Variants in RIMBP2 observed in about 807,000 individuals in gnomAD.
RIMBP2 encodes the protein RIMS-binding protein 2.
In RIMBP2, 48 loss-of-function variants were observed where a neutral mutation model predicts 118.6. The ratio of observed to expected loss-of-function variants is 0.40; its 90% confidence interval spans 0.32 to 0.51. The LOEUF is 0.51. Ranked by LOEUF, RIMBP2 falls within the 20% of genes least tolerant of loss-of-function variation. The probability of loss-of-function intolerance (pLI) is 0.41; values close to 1 mark genes in which losing one functional copy is unlikely to be tolerated. For missense variants in RIMBP2, 1,551 were observed against 1,768.3 expected (o/e 0.88, Z 2.20); for synonymous variants, 762 against 742.9 (o/e 1.03, Z -0.42).
intron 15 of RIMBP2, chr12:130,426,981 G>A (rs1386173180): frequency 1.3e-5 from 2 of 152,440 alleles, no homozygotes; most frequent in Non-Finnish European, 2.9e-5. Flanking sequence ...TCTGCTCCGT[G>A]GTGTCACCTG....
At chr12:130,466,353 T>C (rs1257784744) in intron 6 of RIMBP2, 9 of 152,220 alleles carry the variant, frequency 5.9e-5, no homozygotes, top group Admixed American at 5.9e-4. Context: ...CTGATGCACA[T>C]CTTTGCTAAA....
intron 2 of RIMBP2, among the ~76,000 whole-genome samples, chr12:130,568,220 CCTTGCAAGAGGGGAGA>C (rs1022237407): frequency 6.6e-6 from 1 of 152,194 alleles, no homozygotes; most frequent in Non-Finnish European, 1.5e-5. Flanking sequence ...AACCAACCAA[CCTTGCAAGAGGGGAGA>C]CCCAGGATAT....
chr12:130,697,280 G>A (rs1024935815), intron 1 of RIMBP2, among the ~76,000 whole-genome samples: 3 of 152,240 alleles, frequency 2.0e-5, no homozygotes, highest in Non-Finnish European at 4.4e-5. Context: ...CCAGTGCTCT[G>A]GGAGGTGAAG....
intron 2 of RIMBP2, among the ~76,000 whole-genome samples, chr12:130,567,235 C>T (rs149211669): frequency 9.5e-4 from 145 of 152,172 alleles, no homozygotes; most frequent in African/African-American, 3.1e-3. Context: ...AAGAAGCAAC[C>T]GTGGATTAAA....
chr12:130,595,441 C>T (rs2140361727), intron 2 of RIMBP2, among the ~76,000 whole-genome samples: 1 of 152,172 alleles, frequency 6.6e-6, no homozygotes, highest in African/African-American at 2.4e-5. Context: ...GCCTGTAGTC[C>T]CAGCTACTCA....
intron 4 of RIMBP2, among the ~76,000 whole-genome samples, chr12:130,489,087 T>C (rs35966141): frequency 0.074 from 11,240 of 152,248 alleles, 1,114 homozygotes; most frequent in African/African-American, 0.23. Flanking sequence ...CTGGGATAGC[T>C]AAGAGCCCAC....
At chr12:130,608,783 T>A (rs2060336456) in intron 2 of RIMBP2, among the ~76,000 whole-genome samples, 1 of 152,228 alleles carries the variant, frequency 6.6e-6, no homozygotes, top group Admixed American at 6.5e-5. Flanking sequence ...CTCATAGTTA[T>A]TTTGTGGTGA....
At chr12:130,515,782 C>T (rs1319719110) in intron 3 of RIMBP2, among the ~76,000 whole-genome samples, 1 of 152,128 alleles carries the variant, frequency 6.6e-6, no homozygotes, top group Non-Finnish European at 1.5e-5. Context: ...ACTGCAACCT[C>T]AACCTCCCAG....
chr12:130,538,467 TCC>T (rs1188498324), intron 2 of RIMBP2, among the ~76,000 whole-genome samples: 1 of 151,804 alleles, frequency 6.6e-6, no homozygotes, highest in Admixed American at 6.6e-5. Context: ...ACACAGAGAA[TCC>T]CCGAATCCAC....
At chr12:130,404,070 GAC>G (rs1206644100) in intron 21 of RIMBP2, among the ~76,000 whole-genome samples, 1 of 152,106 alleles carries the variant, frequency 6.6e-6, no homozygotes, top group Admixed American at 6.6e-5. Context: ...TGATTAGTAA[GAC>G]AATTAAAAAT....
intron 2 of RIMBP2, among the ~76,000 whole-genome samples, chr12:130,524,844 C>T (rs947930800): frequency 1.1e-4 from 16 of 151,972 alleles, no homozygotes; most frequent in South Asian, 6.2e-4. Context: ...GGCTTGGTGA[C>T]GAGAAAAGAA....
Position 130,606,233 on chromosome 12 carries a change from A to G in RIMBP2, c.-217+22089T>C, listed in dbSNP as rs899218449. On this transcript the variant is annotated intron_variant, in intron 2 of 22. Coordinates refer to ENST00000690449, the MANE Select transcript of RIMBP2 (RefSeq NM_001393629.1). The stretch of plus-strand genomic sequence containing the variant: ...AGAGTCTATATGGTGGGAATTACAC[A>G]CAGGTGTTTTCTTGTCTGTATGTTT... Among the ~76,000 whole-genome samples, 4 of 152,236 alleles carry G rather than the reference A, an allele frequency of 2.6e-5. No individual in the cohort carries two copies. In the East Asian group the frequency reaches 5.8e-4, roughly 22 times the overall value.
chr12:130,501,428 A>C (rs919077276), intron 4 of RIMBP2, among the ~76,000 whole-genome samples: 1 of 152,172 alleles, frequency 6.6e-6, no homozygotes, highest in Non-Finnish European at 1.5e-5. Context: ...GTAGGAGGGT[A>C]AGAGATGGGG....
intron 1 of RIMBP2, among the ~76,000 whole-genome samples, chr12:130,713,029 G>A (rs575067307): frequency 4.5e-4 from 69 of 151,702 alleles, no homozygotes; most frequent in African/African-American, 1.6e-3. Context: ...GTCAGAGAGA[G>A]AGACTGAGAG....
chr12:130,483,369 C>T (rs74811160), intron 4 of RIMBP2, among the ~76,000 whole-genome samples: 6,351 of 152,134 alleles, frequency 0.042, 468 homozygotes, highest in African/African-American at 0.14. Context: ...CACAAATGCA[C>T]GCACCTACTA....
Position 130,506,728 on chromosome 12 carries a change from C to T in RIMBP2, c.-84G>A. ...ACGGCCAAATCGCGCTCTCTGGTCA[C>T]GAGGGTGAGCGGATGGTTGAGATGC... is the stretch of plus-strand genomic sequence containing the variant. On this transcript the variant is annotated 5_prime_UTR_variant, in exon 4 of 23. The change creates a new upstream start codon in the 5' untranslated region. Coordinates refer to ENST00000690449, the MANE Select transcript of RIMBP2 (RefSeq NM_001393629.1). 3.0e-6 allele frequency: 3 copies of T among 985,704 alleles called. No homozygotes were observed. Among genetic ancestry groups the T allele is most frequent in the Non-Finnish European group, 3.6e-6 (3 of 829,936 alleles). 61.1% of individuals were successfully genotyped at this position (985,704 alleles called of 1,614,324 possible).
At position 130,412,634 on chromosome 12, in the gene RIMBP2, G is replaced by C; in HGVS notation, c.3574C>G (p.Pro1192Ala). Residue 1192 changes from proline (P) to alanine (A), a missense_variant, in exon 19 of 23, where the codon CCT (proline) becomes GCT (alanine). Pro to Ala is a conservative substitution (Grantham distance 27). Transcript: ENST00000690449. ...TTGCGCTTACCTATTTTCTCCACAG[G>C]TGTATTCAGAGGGAGAAAGCCCTGT... ...LRQGFLPLNT[P>A]VEKIERSRRS... is the part of the protein sequence containing the mutation. 6.2e-7 allele frequency: 1 copy of C among 1,613,984 alleles called. No individual in the cohort carries two copies. The highest frequency in any genetic ancestry group is 8.5e-7 in the Non-Finnish European group (1 of 1,179,992).
In RIMBP2 at chr12:130,407,744, C is replaced by A. The variant is rs151096394; in HGVS notation, c.3675G>T (p.Ser1225=). The change falls in exon 20 of 23, where the codon TCG becomes TCT. Residue 1225 remains serine, a synonymous_variant. Coordinates refer to ENST00000690449, the MANE Select transcript of RIMBP2 (RefSeq NM_001393629.1). ...ALYDYDPRES[S]PNVDVEAELT... ...CTGGTACCTCGACATCGACGTTGGG[C>A]GAGCTTTCTCTGGGGTCGTAGTCAT... 6.2e-7 allele frequency: 1 copy of A among 1,613,896 alleles called. No homozygotes were observed. Among genetic ancestry groups the A allele is most frequent in the South Asian group, 1.1e-5 (1 of 91,066 alleles).
intron 2 of RIMBP2, among the ~76,000 whole-genome samples, chr12:130,535,316 T>G (rs894484360): frequency 6.6e-6 from 1 of 151,474 alleles, no homozygotes; most frequent in African/African-American, 2.4e-5. Context: ...CTGGGCAACA[T>G]AGCAAAACCC....
Sources: gnomAD v4.1 joint callset for allele counts (sites outside exome capture counted in the v4.1 genomes callset) on GRCh38, gnomAD v4.1.1 for gene constraint, MANE v1.5 for transcripts, NCBI Gene and HGNC (gene_info 2026-07-23, HGNC 2026-07-21) for gene names.